NAA35: variants seen among roughly 807,000 people sequenced by gnomAD.
NAA35 encodes the protein N-alpha-acetyltransferase 35, NatC auxiliary subunit.
Under a neutral mutation model 101.7 loss-of-function variants are expected in NAA35, and 18 were observed. That is an observed-to-expected ratio of 0.18 (90% CI 0.12 to 0.26). The LOEUF (loss-of-function observed/expected upper bound fraction) is 0.26. Ranked by LOEUF, NAA35 falls within the 10% of genes least tolerant of loss-of-function variation. The pLI is 1.00. For missense variants in NAA35, 601 were observed against 886.8 expected (o/e 0.68, Z 4.09); for synonymous variants, 267 against 273.1 (o/e 0.98, Z 0.22).
intron 6 of NAA35, among the ~76,000 whole-genome samples, chr9:85,967,653 T>G (rs1321765456): frequency 3.3e-5 from 5 of 151,888 alleles, no homozygotes; most frequent in Non-Finnish European, 7.4e-5. Flanking sequence ...ATACAAAAAA[T>G]TAGCCAGGCA....
chr9:85,996,664 G>C (rs1831173562), intron 12 of NAA35, 87 bp downstream of exon 12: 6 of 1,031,314 alleles, frequency 5.8e-6, no homozygotes, highest in Non-Finnish European at 8.3e-6. Context: ...TGGTAACTTT[G>C]GTTTAACAAC....
In NAA35 at chr9:86,024,356, G is replaced by C. The variant is rs1045893673; in HGVS notation, c.*2396G>C. ...AGGAAAAGGATGGCGGAGATGAGAG[G>C]CAAGGAGAAGCCGATACCCAAAACC... On this transcript the variant is annotated 3_prime_UTR_variant, in exon 23 of 23. Coordinates refer to ENST00000361671, the MANE Select transcript of NAA35 (RefSeq NM_024635.4). Among the ~76,000 whole-genome samples the C allele has an allele frequency of 3.9e-5, 6 of 152,162 alleles. No homozygotes were observed. The highest frequency in any genetic ancestry group is 1.4e-4 in the African/African-American group (6 of 41,426).
chr9:85,986,151 A>G (rs892479440), intron 11 of NAA35, among the ~76,000 whole-genome samples: 9 of 152,232 alleles, frequency 5.9e-5, no homozygotes, highest in Admixed American at 5.9e-4. Context: ...CATTTGATGT[A>G]TTCAGAAGAG....
chr9:86,006,400 A>G (rs753899885), intron 13 of NAA35, among the ~76,000 whole-genome samples: 60 of 152,196 alleles, frequency 3.9e-4, no homozygotes, highest in Non-Finnish European at 7.9e-4. Flanking sequence ...AGACAACCCA[A>G]ATGTTCTTGA....
intron 8 of NAA35, among the ~76,000 whole-genome samples, chr9:85,976,343 C>T (rs1830211124): frequency 6.6e-6 from 1 of 152,022 alleles, no homozygotes; most frequent in Non-Finnish European, 1.5e-5. Flanking sequence ...TTTTTTCTAA[C>T]AGGGTTAGTT....
At position 85,958,261 on chromosome 9, in the gene NAA35, A is replaced by C. The variant is rs188969358; in HGVS notation, c.159-211A>C. On this transcript the variant is annotated intron_variant, in intron 3 of 22. Transcript: ENST00000361671. ...CGGCAGAAATCTTTTTCTTCCTCAC[A>C]GTGCATGTGAAATAATTTGAGTGGC... is the stretch of plus-strand genomic sequence containing the variant. 1.5e-3 allele frequency among the ~76,000 whole-genome samples: 227 copies of C among 152,290 alleles called. 2 individuals are homozygous for C. The highest frequency in any genetic ancestry group is 4.9e-3 in the African/African-American group (202 of 41,558).
intron 19 of NAA35, 142 bp from the exon 20 acceptor site, chr9:86,018,113 T>C: frequency 2.8e-6 from 2 of 707,418 alleles, no homozygotes; most frequent in South Asian, 2.1e-5. Flanking sequence ...CCTGTGCTTA[T>C]GACAATTATA....
chr9:85,988,134 G>A (rs1830730533), intron 11 of NAA35, among the ~76,000 whole-genome samples: 1 of 152,164 alleles, frequency 6.6e-6, no homozygotes, highest in African/African-American at 2.4e-5. Flanking sequence ...AAGTCAATGA[G>A]GCCTCCAGCT....
At chr9:85,957,412 G>C (rs1829324418) in intron 3 of NAA35, among the ~76,000 whole-genome samples, 1 of 152,140 alleles carries the variant, frequency 6.6e-6, no homozygotes, top group Non-Finnish European at 1.5e-5. Context: ...CCTTTGTCTA[G>C]GTGGACTCCT....
rs1830801011 is a variant in NAA35, at chr9:85,989,486, CAAACAAAAAA to C, written c.878-6905_878-6896del. ...ACTCTGTCAAAAAACAAAAAACAAA[CAAACAAAAAA>C]AAACAAAGACAAAACAAAAAAACTG... is the stretch of plus-strand genomic sequence containing the variant. On this transcript the variant is annotated intron_variant, in intron 11 of 22. Coordinates refer to ENST00000361671, the MANE Select transcript of NAA35 (RefSeq NM_024635.4). Among the ~76,000 whole-genome samples the C allele has an allele frequency of 2.6e-5, 4 of 151,472 alleles. No individual in the cohort carries two copies. In the South Asian group the frequency reaches 8.4e-4, roughly 32 times the overall value.
chr9:86,023,646 A>C lies in NAA35; in HGVS notation c.*1686A>C, dbSNP rs1033041037. Among the ~76,000 whole-genome samples the C allele has an allele frequency of 6.6e-6, 1 of 152,200 alleles. No homozygotes were observed. Among genetic ancestry groups the C allele is most frequent in the African/African-American group, 2.4e-5 (1 of 41,448 alleles). ...TAGATGATGGGATCACTTTTAATTA[A>C]GAGGGTGTGCTGGCATTTTTTAGCT... On this transcript the variant is annotated 3_prime_UTR_variant, in exon 23 of 23. Transcript: ENST00000361671.
At chr9:85,995,128 A>G (rs991670831) in intron 11 of NAA35, among the ~76,000 whole-genome samples, 1 of 152,084 alleles carries the variant, frequency 6.6e-6, no homozygotes, top group African/African-American at 2.4e-5. Context: ...TAGTACCTCA[A>G]CAGTTTAAAC....
intron 11 of NAA35, 145 bp downstream of exon 11, chr9:85,978,526 CTG>C (rs1458306550): frequency 3.4e-6 from 2 of 592,822 alleles, no homozygotes; most frequent in Non-Finnish European, 6.0e-6. Flanking sequence ...AGGCTCTTCT[CTG>C]TAAATATATA....
intron 1 of NAA35, 25 bp from the exon 2 acceptor site, chr9:85,942,130 T>A: frequency 6.2e-7 from 1 of 1,606,984 alleles, no homozygotes; most frequent in Non-Finnish European, 8.5e-7. Context: ...ACATCCTCTC[T>A]CTTACATCAG....
chr9:85,991,795 TA>T (rs1830923014), intron 11 of NAA35, among the ~76,000 whole-genome samples: 2 of 152,176 alleles, frequency 1.3e-5, no homozygotes, highest in African/African-American at 4.8e-5. Context: ...AAGGGATCTT[TA>T]TAAATGTGAT....
intron 2 of NAA35, among the ~76,000 whole-genome samples, chr9:85,944,432 A>G (rs1307745463): frequency 2.0e-5 from 3 of 152,230 alleles, no homozygotes; most frequent in African/African-American, 7.2e-5. Flanking sequence ...AAGGTTTTGC[A>G]CTCAGCCCAG....
At chr9:85,992,924 C>T (rs764934194) in intron 11 of NAA35, among the ~76,000 whole-genome samples, 2 of 152,112 alleles carry the variant, frequency 1.3e-5, no homozygotes, top group African/African-American at 2.4e-5. Context: ...ATTGACTGTG[C>T]TTGGAACTTT....
rs191965558 is a variant in NAA35, at chr9:85,953,778, C to T, written c.125-2582C>T. 2.9e-3 allele frequency among the ~76,000 whole-genome samples: 438 copies of T among 152,240 alleles called. 5 individuals are homozygous for T. In the South Asian group the frequency reaches 0.034, roughly 12 times the overall value. The stretch of plus-strand genomic sequence containing the variant: ...TAAGTATTTCATTTAAATGGACTCA[C>T]ACAGTATTTGTCTTTTTGTGCCTGA... On this transcript the variant is annotated intron_variant, in intron 2 of 22. Coordinates refer to ENST00000361671, the MANE Select transcript of NAA35 (RefSeq NM_024635.4).
chr9:85,971,636 A>G (rs763944685), intron 6 of NAA35, among the ~76,000 whole-genome samples: 2 of 152,220 alleles, frequency 1.3e-5, no homozygotes, highest in Admixed American at 6.5e-5. Flanking sequence ...CAAAGAAATT[A>G]CAAACTTGAT....
Sources: gnomAD v4.1 joint callset for allele counts (sites outside exome capture counted in the v4.1 genomes callset) on GRCh38, gnomAD v4.1.1 for gene constraint, MANE v1.5 for transcripts, NCBI Gene and HGNC (gene_info 2026-07-23, HGNC 2026-07-21) for gene names.